Variants in ZFHX3 observed in about 807,000 individuals in gnomAD.
ZFHX3 encodes the protein zinc finger homeobox 3.
Under a neutral mutation model 279.1 loss-of-function variants are expected in ZFHX3, and 42 were observed. That is an observed-to-expected ratio of 0.15 (90% CI 0.12 to 0.19). The LOEUF is 0.19. Ranked by LOEUF, ZFHX3 falls within the 10% of genes least tolerant of loss-of-function variation. The probability of loss-of-function intolerance (pLI) is 1.00; values close to 1 mark genes in which losing one functional copy is unlikely to be tolerated. For synonymous variants in ZFHX3, 2,293 were observed against 1,957.8 expected, an observed-to-expected ratio of 1.17 and a Z score of -4.52; for missense variants, 4,981 against 4,754.0, an observed-to-expected ratio of 1.05 and a Z score of -1.40.
At chr16:72,965,716 T>G (rs1020228793) in intron 1 of ZFHX3, among the ~76,000 whole-genome samples, 1 of 151,824 alleles carries the variant, frequency 6.6e-6, no homozygotes, top group Non-Finnish European at 1.5e-5. Flanking sequence ...TGCATCGTTT[T>G]GGAGAAAGTC....
At position 72,960,120 on chromosome 16, in the gene ZFHX3, A is replaced by G. The variant is rs12922324; in HGVS notation, c.26T>C (p.Val9Ala). 1 of 1,589,464 alleles carries G rather than the reference A, an allele frequency of 6.3e-7. No individual in the cohort carries two copies. Among genetic ancestry groups the G allele is most frequent in the Admixed American group, 1.7e-5 (1 of 57,570 alleles). MEGCDSPV[V>A]SGKDNGCGIP... ...ACCGCACCCATTGTCCTTCCCCGAG[A>G]CGACGGGCGAGTCACAGCCTTCCAT... The change falls in exon 2 of 10, where the codon GTC (valine) becomes GCC (alanine). Residue 9 changes from valine to alanine, a missense_variant. Val to Ala is a moderately conservative substitution (Grantham distance 64, BLOSUM62 0). This residue lies in a region of ZFHX3 where 1,068 missense variants were observed against 935.2 expected (regional missense o/e 1.14). Transcript: ENST00000268489.
intron 5 of ZFHX3, among the ~76,000 whole-genome samples, chr16:73,235,605 C>T (rs927541797): frequency 5.3e-5 from 8 of 152,126 alleles, no homozygotes; most frequent in Non-Finnish European, 1.5e-5. Context: ...AAAAGTTGTG[C>T]CATGTGTTGC....
chr16:73,648,974 T>C (rs2052646117), intron 2 of ZFHX3, among the ~76,000 whole-genome samples: 1 of 152,214 alleles, frequency 6.6e-6, no homozygotes, highest in Admixed American at 6.5e-5. Flanking sequence ...AAAAGTCCTC[T>C]AGATGCACAT....
chr16:73,480,071 CTCTT>C (rs2143623354), intron 2 of ZFHX3, among the ~76,000 whole-genome samples: 1 of 152,290 alleles, frequency 6.6e-6, no homozygotes, highest in African/African-American at 2.4e-5. Flanking sequence ...TTCTCTCAAT[CTCTT>C]TCTTTTTGTT....
intron 4 of ZFHX3, among the ~76,000 whole-genome samples, chr16:73,311,892 A>C (rs978663328): frequency 3.9e-5 from 6 of 152,168 alleles, no homozygotes; most frequent in Non-Finnish European, 7.3e-5. Context: ...TTATGTAAAA[A>C]GGGTGTGAGT....
At chr16:72,964,981 G>A (rs192681247) in intron 1 of ZFHX3, among the ~76,000 whole-genome samples, 7 of 152,174 alleles carry the variant, frequency 4.6e-5, no homozygotes, top group East Asian at 3.9e-4. Flanking sequence ...GGGCTCAAGC[G>A]ATTCTCCTGC....
At chr16:73,411,241 T>A (rs917606953) in intron 3 of ZFHX3, among the ~76,000 whole-genome samples, 7 of 152,238 alleles carry the variant, frequency 4.6e-5, no homozygotes, top group African/African-American at 1.7e-4. Flanking sequence ...AAAAATGTCC[T>A]CAATTTTTTG....
At chr16:73,453,147 A>G (rs749766190) in intron 3 of ZFHX3, among the ~76,000 whole-genome samples, 2 of 150,532 alleles carry the variant, frequency 1.3e-5, no homozygotes, top group Non-Finnish European at 1.5e-5. Flanking sequence ...GCCATTTGTA[A>G]TAGGTACAAT....
chr16:72,979,568 G>A (rs976958191), intron 1 of ZFHX3, among the ~76,000 whole-genome samples: 1 of 152,252 alleles, frequency 6.6e-6, no homozygotes, highest in Non-Finnish European at 1.5e-5. Context: ...AATCTCTCAG[G>A]AAGCTTTTAT....
chr16:73,683,788 G>A (rs1597064614), intron 1 of ZFHX3, among the ~76,000 whole-genome samples: 1 of 152,162 alleles, frequency 6.6e-6, no homozygotes, highest in African/African-American at 2.4e-5. Context: ...GATTCTCATT[G>A]TTCTAGAAAT....
At chr16:73,885,916 C>T (rs1001514909) in intron 1 of ZFHX3, among the ~76,000 whole-genome samples, 2 of 152,122 alleles carry the variant, frequency 1.3e-5, no homozygotes, top group Admixed American at 6.6e-5. Flanking sequence ...AATTTGCCCT[C>T]CAAATGTACA....
At chr16:73,669,146 C>T (rs557316846) in intron 2 of ZFHX3, among the ~76,000 whole-genome samples, 56 of 151,922 alleles carry the variant, frequency 3.7e-4, no homozygotes, top group Non-Finnish European at 4.7e-4. Context: ...CACTGCCTCC[C>T]GGGCTCAAGC....
At chr16:72,942,280 C>A (rs16971426) in intron 3 of ZFHX3, among the ~76,000 whole-genome samples, 1 of 152,110 alleles carries the variant, frequency 6.6e-6, no homozygotes, top group Admixed American at 6.5e-5. Context: ...CTAAAACAAC[C>A]GTAACACAAC....
chr16:73,670,797 A>G (rs1245886252), intron 2 of ZFHX3, among the ~76,000 whole-genome samples: 2 of 152,184 alleles, frequency 1.3e-5, no homozygotes, highest in African/African-American at 4.8e-5. Flanking sequence ...AATATCAATC[A>G]ATCCATTTTA....
intron 3 of ZFHX3, among the ~76,000 whole-genome samples, chr16:72,928,219 A>G (rs528361967): frequency 6.2e-4 from 43 of 68,990 alleles, no homozygotes; most frequent in African/African-American, 2.1e-3. Context: ...AGCGAAGGGG[A>G]GCGAGGGGGA....
intron 1 of ZFHX3, among the ~76,000 whole-genome samples, chr16:72,974,950 G>A (rs1209177494): frequency 6.6e-6 from 1 of 152,084 alleles, no homozygotes; most frequent in African/African-American, 2.4e-5. Context: ...AGGCTTGAGA[G>A]GTTTATTTCA....
rs187529635 is a variant in ZFHX3, at chr16:73,083,932, G to A, written c.-533+9303C>T. On this transcript the variant is annotated intron_variant, in intron 8 of 17. Transcript: ENST00000641206. ...CCCCAGGGTGACACACCTGTTCTAC[G>A]TGAGGTCTAGGGCCATGGTTCTCAA... Among the ~76,000 whole-genome samples, 7 of 152,234 alleles carry A rather than the reference G, an allele frequency of 4.6e-5. No homozygotes were observed. The East Asian group carries it at 7.7e-4, about 17-fold the overall frequency.
At chr16:72,862,944 T>C (rs1267651547) in intron 4 of ZFHX3, among the ~76,000 whole-genome samples, 1 of 152,036 alleles carries the variant, frequency 6.6e-6, no homozygotes, top group Non-Finnish European at 1.5e-5. Context: ...AAAGCAACTA[T>C]CAAAAAACAC....
At chr16:72,967,699 G>A (rs7187913) in intron 1 of ZFHX3, among the ~76,000 whole-genome samples, 59,637 of 150,172 alleles carry the variant, frequency 0.4, 12,201 homozygotes, top group Non-Finnish European at 0.44. Flanking sequence ...GGCAGATCAC[G>A]AGGCCAGGTA....
Sources: gnomAD v4.1 joint callset for allele counts (sites outside exome capture counted in the v4.1 genomes callset) on GRCh38, gnomAD v4.1.1 for gene constraint, gnomAD v4.1.1 regional missense constraint, MANE v1.5 for transcripts, NCBI Gene and HGNC (gene_info 2026-07-23, HGNC 2026-07-21) for gene names.